IL1RAPL2: variants seen among roughly 807,000 people sequenced by gnomAD.
IL1RAPL2 encodes the protein interleukin 1 receptor accessory protein like 2.
In IL1RAPL2, 3 loss-of-function variants were observed where a neutral mutation model predicts 44.1. The ratio of observed to expected loss-of-function variants is 0.07; its 90% CI spans 0.03 to 0.18. The LOEUF is 0.18. Ranked by LOEUF, IL1RAPL2 falls within the 10% of genes least tolerant of loss-of-function variation. The probability of loss-of-function intolerance (pLI) is 1.00; values close to 1 mark genes in which losing one functional copy is unlikely to be tolerated. For synonymous variants in IL1RAPL2, 181 were observed against 178.8 expected, an observed-to-expected ratio of 1.01 and a Z score of -0.10; for missense variants, 391 against 496.4, an observed-to-expected ratio of 0.79 and a Z score of 2.02.
chrX:105,183,299 T>C (rs2033553122), intron 2 of IL1RAPL2, among the ~76,000 whole-genome samples: 1 of 111,525 alleles, frequency 9.0e-6, no homozygotes, highest in South Asian at 3.8e-4. Context: ...TGGGCAGCTT[T>C]CAGGCTTTGG....
chrX:105,621,259 A>G (rs2037416988), intron 6 of IL1RAPL2, among the ~76,000 whole-genome samples: 1 of 111,918 alleles, frequency 8.9e-6, no homozygotes. Context: ...GGACATTTTG[A>G]AAGAGGCTTG....
Position 105,606,348 on chromosome X carries a change from A to G in IL1RAPL2, c.773-111019A>G, listed in dbSNP as rs779685312. ...CAAGGGAATGCGAAGCAAAACCACA[A>G]TAAGATATCATCTCACTCTAGTTGG... On this transcript the variant is annotated intron_variant, in intron 6 of 10. Transcript: ENST00000372582. Among the ~76,000 whole-genome samples, 14 of 111,997 alleles carry G rather than the reference A, an allele frequency of 1.3e-4. No individual in the cohort carries two copies. In the South Asian group the frequency reaches 4.1e-3, roughly 33 times the overall value.
chrX:104,983,112 G>T (rs1029498784), intron 2 of IL1RAPL2, among the ~76,000 whole-genome samples: 8 of 109,574 alleles, frequency 7.3e-5, no homozygotes, highest in Admixed American at 6.0e-4. Flanking sequence ...ATACATAGTC[G>T]AGAAACTCAC....
chrX:104,897,483 T>C (rs1024197493), intron 2 of IL1RAPL2, among the ~76,000 whole-genome samples: 36 of 112,096 alleles, frequency 3.2e-4, no homozygotes, highest in African/African-American at 1.1e-3. Flanking sequence ...AAAGAGTCAC[T>C]TCATATTCTA....
chrX:104,662,630 A>G (rs1433944627), intron 2 of IL1RAPL2, among the ~76,000 whole-genome samples: 1 of 111,291 alleles, frequency 9.0e-6, no homozygotes, highest in Non-Finnish European at 1.9e-5. Context: ...TGGGTGGGAG[A>G]AATTACTCTT....
At chrX:105,078,065 G>T (rs57958339) in intron 2 of IL1RAPL2, among the ~76,000 whole-genome samples, 1 of 111,853 alleles carries the variant, frequency 8.9e-6, no homozygotes, top group Non-Finnish European at 1.9e-5. Flanking sequence ...GCTTTGTTCC[G>T]TTGCTGGTGA....
intron 2 of IL1RAPL2, among the ~76,000 whole-genome samples, chrX:104,908,404 G>A (rs1924108374): frequency 9.0e-6 from 1 of 111,530 alleles, no homozygotes; most frequent in African/African-American, 3.3e-5. Flanking sequence ...AGTCTCTATG[G>A]TCTTTACATT....
rs765235055 is a variant in IL1RAPL2 at position 105,254,985 on chromosome X, G to A, written c.544-12403G>A. On this transcript the variant is annotated intron_variant, in intron 4 of 10. Transcript: ENST00000372582. ...GTAGTATAGTTTCAAGTCATTTAAC[G>A]TGATGCCTACAGTTTTGTTCTGTTT... 3.3e-3 allele frequency among the ~76,000 whole-genome samples: 367 copies of A among 111,699 alleles called. 5 individuals carry two copies. Among genetic ancestry groups the A allele is most frequent in the African/African-American group, 0.011 (344 of 30,764 alleles).
intron 1 of IL1RAPL2, among the ~76,000 whole-genome samples, chrX:104,605,076 C>G (rs760506777): frequency 8.9e-6 from 1 of 111,981 alleles, no homozygotes; most frequent in Non-Finnish European, 1.9e-5. Flanking sequence ...AAGTAAAACA[C>G]TCCTAAGCAA....
intron 2 of IL1RAPL2, among the ~76,000 whole-genome samples, chrX:104,989,749 TA>T (rs397895982): frequency 0.055 from 6,060 of 110,230 alleles, 445 homozygotes; most frequent in African/African-American, 0.19. Context: ...CAATAAAAGG[TA>T]AAAAAAAATT....
chrX:105,687,118 G>A (rs1397920115), intron 6 of IL1RAPL2, among the ~76,000 whole-genome samples: 3 of 111,786 alleles, frequency 2.7e-5, no homozygotes, highest in Non-Finnish European at 5.6e-5. Flanking sequence ...ACAAGAGAAA[G>A]CAGGAAAGAT....
intron 2 of IL1RAPL2, among the ~76,000 whole-genome samples, chrX:104,901,654 A>G (rs1421141886): frequency 9.0e-6 from 1 of 111,221 alleles, no homozygotes; most frequent in Non-Finnish European, 1.9e-5. Context: ...TGTGTTAGTG[A>G]ATCCCATATG....
intron 2 of IL1RAPL2, among the ~76,000 whole-genome samples, chrX:104,878,094 A>G (rs1385361618): frequency 9.0e-6 from 1 of 111,464 alleles, no homozygotes; most frequent in African/African-American, 3.3e-5. Flanking sequence ...GTACATTGTT[A>G]GACTGCATGG....
intron 2 of IL1RAPL2, among the ~76,000 whole-genome samples, chrX:105,108,957 G>C: frequency 9.0e-6 from 1 of 111,496 alleles, no homozygotes; most frequent in South Asian, 3.8e-4. Context: ...ACCTCATCTT[G>C]TACCTTTCTC....
chrX:104,940,712 T>A (rs1925144083), intron 2 of IL1RAPL2, among the ~76,000 whole-genome samples: 2 of 110,224 alleles, frequency 1.8e-5, no homozygotes, highest in Admixed American at 9.7e-5. Flanking sequence ...TTTTTTTTTT[T>A]ACATTGATTT....
At chrX:105,359,822 A>G (rs753788348) in intron 5 of IL1RAPL2, among the ~76,000 whole-genome samples, 17 of 110,786 alleles carry the variant, frequency 1.5e-4, no homozygotes, top group Non-Finnish European at 2.3e-4. Flanking sequence ...CACCAATACT[A>G]TGTTAAATTT....
chrX:104,947,941 C>T (rs1925436827), intron 2 of IL1RAPL2, among the ~76,000 whole-genome samples: 1 of 111,297 alleles, frequency 9.0e-6, no homozygotes, highest in Non-Finnish European at 1.9e-5. Context: ...TAGTTTTTTC[C>T]AATTCTGTGA....
At chrX:105,398,915 C>G (rs1196363051) in intron 5 of IL1RAPL2, among the ~76,000 whole-genome samples, 1 of 111,472 alleles carries the variant, frequency 9.0e-6, no homozygotes, top group African/African-American at 3.3e-5. Flanking sequence ...GAAACTTAGT[C>G]CATACTTGTT....
At chrX:105,740,479 A>G in intron 7 of IL1RAPL2, 67 bp from the exon 8 acceptor site, 1 of 1,071,512 alleles carries the variant, frequency 9.3e-7, no homozygotes, top group Non-Finnish European at 1.3e-6. Context: ...GACCATCTGT[A>G]GTCTTGGCAT....
Sources: allele counts gnomAD v4.1 joint callset (sites outside exome capture counted in the v4.1 genomes callset), GRCh38; gene constraint gnomAD v4.1.1; transcripts MANE v1.5; gene names NCBI Gene and HGNC (gene_info 2026-07-23, HGNC 2026-07-21).